Variants in ASCC1 observed in about 807,000 individuals in gnomAD.
The protein encoded by ASCC1 is activating signal cointegrator 1 complex subunit 1.
ASCC1 carries 35 observed loss-of-function variants against 46.6 expected under a neutral mutation model. The ratio of observed to expected loss-of-function variants is 0.75; its 90% CI spans 0.57 to 0.99. The LOEUF (loss-of-function observed/expected upper bound fraction) is 0.99, where lower values mean the gene tolerates loss of function less well. Ranked by LOEUF, ASCC1 falls within the 50% of genes least tolerant of loss-of-function variation. The probability of loss-of-function intolerance (pLI) is 0.00; values close to 1 mark genes in which losing one functional copy is unlikely to be tolerated. For synonymous variants in ASCC1, 143 were observed against 146.6 expected (o/e 0.98, Z 0.18); for missense variants, 376 against 428.7 (o/e 0.88, Z 1.09).
intron 9 of ASCC1, among the ~76,000 whole-genome samples, chr10:72,127,342 T>C (rs1008419454): frequency 1.2e-4 from 18 of 152,198 alleles, no homozygotes; most frequent in African/African-American, 4.3e-4. Context: ...GGGTAGTCTG[T>C]TAGAGAAAGA....
In ASCC1 at chr10:72,152,481, C is replaced by A. The variant is rs116213607; in HGVS notation, c.746+388G>T. Among the ~76,000 whole-genome samples, 506 of 152,272 alleles carry A rather than the reference C, an allele frequency of 3.3e-3. 3 individuals are homozygous for A. Among genetic ancestry groups the A allele is most frequent in the African/African-American group, 0.012 (482 of 41,556 alleles). ...TATCCTGGAAAACACAAAGGAACCA[C>A]TGAGTTCACAAAGACTAGATTGTTA... On this transcript the variant is annotated intron_variant, in intron 7 of 9. Transcript: ENST00000672957.
intron 3 of ASCC1, among the ~76,000 whole-genome samples, chr10:72,206,466 G>A (rs1857232802): frequency 6.6e-6 from 1 of 152,134 alleles, no homozygotes; most frequent in South Asian, 2.1e-4. Flanking sequence ...TTGTCATAAG[G>A]TTGTCGTAAG....
rs1217111452 is a variant in ASCC1 at position 72,096,960 on chromosome 10, G to A, written c.*374C>T. On this transcript the variant is annotated 3_prime_UTR_variant, in exon 10 of 10. Transcript: ENST00000672957. ...CAGTTTCCATTTTACAAGCTGAGAAGCCTATGGAGATGGACGGCGGTGACG... is the reference window on the plus strand; with the variant it reads ...CAGTTTCCATTTTACAAGCTGAGAAACCTATGGAGATGGACGGCGGTGACG... 4.4e-6 allele frequency: 2 copies of A among 454,670 alleles called. No homozygotes were observed. The highest frequency in any genetic ancestry group is 8.8e-6 in the Non-Finnish European group (2 of 227,204). 28.2% of individuals were successfully genotyped at this position (454,670 alleles called of 1,614,324 possible).
At chr10:72,162,101 C>T (rs993562319) in intron 5 of ASCC1, among the ~76,000 whole-genome samples, 3 of 152,048 alleles carry the variant, frequency 2.0e-5, no homozygotes, top group African/African-American at 7.2e-5. Context: ...TGATAAGGGT[C>T]TAGTATCCGG....
At chr10:72,150,196 A>G (rs922348756) in intron 7 of ASCC1, among the ~76,000 whole-genome samples, 5 of 152,016 alleles carry the variant, frequency 3.3e-5, no homozygotes, top group African/African-American at 7.3e-5. Flanking sequence ...AAAAAAAAAA[A>G]AGAAAAATCT....
Position 72,109,870 on chromosome 10 carries a change from G to A in ASCC1, c.958-12420C>T, listed in dbSNP as rs150767129. 1.7e-3 allele frequency among the ~76,000 whole-genome samples: 263 copies of A among 152,326 alleles called. 1 individual carries two copies. The highest frequency in any genetic ancestry group is 5.7e-3 in the African/African-American group (239 of 41,576). On this transcript the variant is annotated intron_variant, in intron 9 of 9. Transcript: ENST00000672957. Reference sequence around the variant, plus strand: ...GCTGGAGAACCCACACCTAATCTCCGCCTAATCTCGGCACAGGCTAGGCAC... The same window carrying A: ...GCTGGAGAACCCACACCTAATCTCCACCTAATCTCGGCACAGGCTAGGCAC...
chr10:72,135,700 A>AG, intron 7 of ASCC1, among the ~76,000 whole-genome samples: 1 of 152,248 alleles, frequency 6.6e-6, no homozygotes, highest in East Asian at 1.9e-4. Context: ...ACAGCAGTGG[A>AG]GGCAGGACAG....
chr10:72,153,359 A>T (rs147177879), intron 6 of ASCC1, among the ~76,000 whole-genome samples: 59 of 152,256 alleles, frequency 3.9e-4, no homozygotes, highest in African/African-American at 1.2e-3. Flanking sequence ...AGTTACAAAC[A>T]GCATTTCACT....
At chr10:72,189,274 G>A (rs915394758) in intron 5 of ASCC1, among the ~76,000 whole-genome samples, 3 of 151,934 alleles carry the variant, frequency 2.0e-5, no homozygotes, top group African/African-American at 7.2e-5. Flanking sequence ...CGGGCGGGGT[G>A]GCGGGCGCCT....
intron 9 of ASCC1, among the ~76,000 whole-genome samples, chr10:72,100,761 C>A (rs918598524): frequency 7.9e-5 from 12 of 151,868 alleles, no homozygotes; most frequent in African/African-American, 2.7e-4. Context: ...AATATAAGCC[C>A]TACAGAGGAA....
intron 5 of ASCC1, among the ~76,000 whole-genome samples, chr10:72,178,705 A>G (rs1272976680): frequency 6.6e-6 from 1 of 152,190 alleles, no homozygotes; most frequent in Non-Finnish European, 1.5e-5. Context: ...AAACTACCAG[A>G]GAACTGTGAG....
intron 5 of ASCC1, among the ~76,000 whole-genome samples, chr10:72,194,578 T>A (rs1456871572): frequency 2.6e-5 from 4 of 151,300 alleles, no homozygotes; most frequent in Admixed American, 6.6e-5. Context: ...ACAGTATAAG[T>A]AAAATAACCC....
At chr10:72,107,591 G>C (rs1436828651) in intron 9 of ASCC1, among the ~76,000 whole-genome samples, 1 of 152,192 alleles carries the variant, frequency 6.6e-6, no homozygotes, top group Non-Finnish European at 1.5e-5. Context: ...GAATGTAATT[G>C]AGTCTGTTTA....
chr10:72,132,495 C>T (rs542548378), intron 8 of ASCC1, among the ~76,000 whole-genome samples: 121 of 152,302 alleles, frequency 7.9e-4, no homozygotes, highest in Middle Eastern at 3.4e-3. Context: ...AACCTCTGTG[C>T]TACGACATTT....
chr10:72,175,069 T>A (rs958476613), intron 5 of ASCC1, among the ~76,000 whole-genome samples: 1 of 152,210 alleles, frequency 6.6e-6, no homozygotes, highest in Non-Finnish European at 1.5e-5. Context: ...GCAGGTGATA[T>A]GAAGTTCATT....
At chr10:72,111,945 C>T (rs750639280) in intron 9 of ASCC1, among the ~76,000 whole-genome samples, 4 of 152,158 alleles carry the variant, frequency 2.6e-5, no homozygotes, top group Admixed American at 6.5e-5. Context: ...CCAGGCCAAG[C>T]ATCATTTTTT....
chr10:72,133,082 A>G lies in ASCC1; in HGVS notation c.846T>C (p.Asn282=), dbSNP rs751635146. The change falls in exon 8 of 10, where the codon AAT becomes AAC. Residue 282 remains asparagine (N), a synonymous_variant. Transcript: ENST00000672957. ...CATTGGGGTCTTTCCTGAATAGTGT[A>G]TTCATAACTGTAGCATGCAGTTTCA... The part of the protein sequence containing the change: ...NSVKLHATVM[N]TLFRKDPNAE... The G allele has an allele frequency of 1.9e-6, 3 of 1,614,136 alleles. No homozygotes were observed. Among genetic ancestry groups the G allele is most frequent in the Admixed American group, 3.3e-5 (2 of 60,024 alleles).
chr10:72,134,679 A>C (rs1845985677), intron 7 of ASCC1, among the ~76,000 whole-genome samples: 1 of 151,900 alleles, frequency 6.6e-6, no homozygotes, highest in Non-Finnish European at 1.5e-5. Flanking sequence ...CACTTCTTTG[A>C]CTCCCTTATA....
intron 6 of ASCC1, among the ~76,000 whole-genome samples, chr10:72,156,771 CAA>C (rs58283312): frequency 1.2e-4 from 8 of 65,226 alleles, no homozygotes; most frequent in Admixed American, 3.7e-4. Context: ...GACTCCATCT[CAA>C]AAAAAAAAAA....
Sources: gnomAD v4.1 joint callset for allele counts (sites outside exome capture counted in the v4.1 genomes callset) on GRCh38, gnomAD v4.1.1 for gene constraint, MANE v1.5 for transcripts, NCBI Gene and HGNC (gene_info 2026-07-23, HGNC 2026-07-21) for gene names.